The following IGF2BP2 variants were observed in gnomAD, a reference collection of about 807,000 sequenced individuals.
IGF2BP2 encodes insulin like growth factor 2 mRNA binding protein 2, also known as insulin-like growth factor 2 mRNA-binding protein 2.
IGF2BP2 carries 17 observed loss-of-function variants against 75.8 expected under a neutral mutation model. The observed-to-expected ratio is 0.22, with a 90% confidence interval of 0.15 to 0.34. The LOEUF (loss-of-function observed/expected upper bound fraction) is 0.34. IGF2BP2 is among the 10% of genes least tolerant of loss of function. The pLI is 1.00. For synonymous variants in IGF2BP2, 288 were observed against 295.6 expected, an observed-to-expected ratio of 0.97 and a Z score of 0.26; for missense variants, 516 against 772.4, an observed-to-expected ratio of 0.67 and a Z score of 3.93.
intron 2 of IGF2BP2, among the ~76,000 whole-genome samples, chr3:185,809,719 T>C (rs371295210): frequency 6.6e-6 from 1 of 152,284 alleles, no homozygotes; most frequent in South Asian, 2.1e-4. Flanking sequence ...CAAAATCTTT[T>C]AACCACAATT....
At chr3:185,765,235 G>A (rs1465826314) in intron 2 of IGF2BP2, among the ~76,000 whole-genome samples, 2 of 152,002 alleles carry the variant, frequency 1.3e-5, no homozygotes, top group Non-Finnish European at 2.9e-5. Flanking sequence ...TTCCCCCTCC[G>A]TCCCTCCCAT....
chr3:185,705,014 T>C (rs1401209965), intron 2 of IGF2BP2, among the ~76,000 whole-genome samples: 3 of 152,080 alleles, frequency 2.0e-5, no homozygotes, highest in South Asian at 2.1e-4. Flanking sequence ...AAAAAACAAA[T>C]GATAAGCACA....
chr3:185,803,208 G>A (rs34782298), intron 2 of IGF2BP2, among the ~76,000 whole-genome samples: 59,106 of 151,934 alleles, frequency 0.39, 12,434 homozygotes, highest in African/African-American at 0.57. Context: ...AAAAGTAGCC[G>A]GGTGTGGTGG....
At chr3:185,716,691 C>G (rs374516682) in intron 2 of IGF2BP2, 45 of 519,980 alleles carry the variant, frequency 8.7e-5, no homozygotes, top group Non-Finnish European at 1.2e-5. Context: ...TGTATTTACT[C>G]AGGGCCATGG....
chr3:185,811,064 TAC>T (rs1362761491), intron 2 of IGF2BP2, among the ~76,000 whole-genome samples: 1 of 151,726 alleles, frequency 6.6e-6, no homozygotes, highest in East Asian at 1.9e-4. Flanking sequence ...AGCATATATA[TAC>T]ATATTCTACA....
At chr3:185,794,468 G>C (rs1737069294) in intron 2 of IGF2BP2, among the ~76,000 whole-genome samples, 1 of 70,638 alleles carries the variant, frequency 1.4e-5, no homozygotes, top group African/African-American at 7.8e-5. Context: ...GCCCAATGGG[G>C]GATCACAGAG....
intron 2 of IGF2BP2, among the ~76,000 whole-genome samples, chr3:185,701,595 A>C (rs1405848333): frequency 6.6e-6 from 1 of 152,216 alleles, no homozygotes; most frequent in Non-Finnish European, 1.5e-5. Flanking sequence ...CCAAATACTA[A>C]CTGAATGCAT....
chr3:185,808,264 T>G (rs1739317734), intron 2 of IGF2BP2, among the ~76,000 whole-genome samples: 1 of 151,736 alleles, frequency 6.6e-6, no homozygotes, highest in Non-Finnish European at 1.5e-5. Context: ...TCACCTGAGG[T>G]CAGGAGTTCA....
chr3:185,682,837 T>C (rs1720584887), intron 7 of IGF2BP2, among the ~76,000 whole-genome samples: 1 of 152,088 alleles, frequency 6.6e-6, no homozygotes, highest in African/African-American at 2.4e-5. Context: ...CTGTGCACTG[T>C]TGGTGGGGTT....
intron 5 of IGF2BP2, among the ~76,000 whole-genome samples, 172 bp downstream of exon 5, chr3:185,692,527 A>G (rs376602338): frequency 2.0e-5 from 3 of 152,206 alleles, no homozygotes; most frequent in African/African-American, 7.2e-5. Context: ...AGCTCTACCA[A>G]TATGTCAAAG....
chr3:185,797,642 G>A (rs1432564859), intron 2 of IGF2BP2, among the ~76,000 whole-genome samples: 1 of 152,192 alleles, frequency 6.6e-6, no homozygotes, highest in Admixed American at 6.5e-5. Flanking sequence ...AGTGGCTCAT[G>A]CCTGTAATCC....
chr3:185,683,600 G>C (rs1720704734), intron 7 of IGF2BP2, among the ~76,000 whole-genome samples: 2 of 152,034 alleles, frequency 1.3e-5, no homozygotes, highest in Non-Finnish European at 2.9e-5. Context: ...GTAGAGACGA[G>C]GTTTCACCAT....
intron 2 of IGF2BP2, among the ~76,000 whole-genome samples, chr3:185,798,094 AT>A (rs1206090710): frequency 6.6e-6 from 1 of 151,970 alleles, no homozygotes; most frequent in African/African-American, 2.4e-5. Context: ...CCAGCTACTC[AT>A]GAGGTTGAGG....
chr3:185,773,326 T>G lies in IGF2BP2; in HGVS notation c.239+49827A>C, dbSNP rs562721822. Reference sequence around the variant, plus strand: ...ATCACTATTATAACACTATAGACTATAGAACTTGAGCTTTTGGCTAAGACA... The same window carrying G: ...ATCACTATTATAACACTATAGACTAGAGAACTTGAGCTTTTGGCTAAGACA... On this transcript the variant is annotated intron_variant, in intron 2 of 15. Transcript: ENST00000382199. Among the ~76,000 whole-genome samples the G allele has an allele frequency of 7.2e-5, 11 of 152,348 alleles. No individual in the cohort carries two copies. The South Asian group carries it at 2.3e-3, about 32-fold the overall frequency.
chr3:185,680,976 A>G (rs55869489), intron 7 of IGF2BP2, among the ~76,000 whole-genome samples: 4,357 of 152,316 alleles, frequency 0.029, 109 homozygotes, highest in Non-Finnish European at 0.041. Context: ...CACAGCTAAC[A>G]TCACACTCAA....
chr3:185,651,519 C>G lies in IGF2BP2; in HGVS notation c.1461+575G>C, dbSNP rs560050139. Among the ~76,000 whole-genome samples, 128 of 152,258 alleles carry G rather than the reference C, an allele frequency of 8.4e-4. 3 individuals are homozygous for G. Among genetic ancestry groups the G allele is most frequent in the Non-Finnish European group, 8.8e-5 (6 of 68,014 alleles). The stretch of plus-strand genomic sequence containing the variant: ...CACCACCTGCTGCCCCTGGCTGAGG[C>G]TATTGCTTTTGAGTGGTTCCACATG... On this transcript the variant is annotated intron_variant, in intron 13 of 15. Transcript: ENST00000382199.
chr3:185,700,963 G>A (rs188901813), intron 2 of IGF2BP2, among the ~76,000 whole-genome samples: 1 of 152,250 alleles, frequency 6.6e-6, no homozygotes, highest in East Asian at 1.9e-4. Context: ...AATTGATCCT[G>A]CTTTTAAAAA....
chr3:185,704,723 T>C (rs1377864689), intron 2 of IGF2BP2, among the ~76,000 whole-genome samples: 5 of 152,194 alleles, frequency 3.3e-5, no homozygotes, highest in African/African-American at 4.8e-5. Flanking sequence ...GTGCTGGGAT[T>C]ACAGGCATGA....
intron 2 of IGF2BP2, among the ~76,000 whole-genome samples, chr3:185,705,781 A>G (rs533189865): frequency 6.6e-6 from 1 of 152,282 alleles, no homozygotes; most frequent in Non-Finnish European, 1.5e-5. Context: ...GAAGGACTAG[A>G]TATCTCTCTG....
Sources: gnomAD v4.1 joint callset for allele counts (sites outside exome capture counted in the v4.1 genomes callset) on GRCh38, gnomAD v4.1.1 for gene constraint, MANE v1.5 for transcripts, NCBI Gene and HGNC (gene_info 2026-07-23, HGNC 2026-07-21) for gene names.